The following ACER1 variants were observed in gnomAD, a reference collection of about 807,000 sequenced individuals.
ACER1 encodes alkaline ceramidase 1, also known as CTB-180A7.3.
ACER1 carries 28 observed loss-of-function variants against 24.9 expected under a neutral mutation model. The ratio of observed to expected loss-of-function variants is 1.13; its 90% CI spans 0.83 to 1.54. The LOEUF is 1.54. Ranked by LOEUF, ACER1 falls within the 40% of genes most tolerant of loss-of-function variation. The pLI is 0.00. For missense variants in ACER1, 352 were observed against 349.3 expected, an observed-to-expected ratio of 1.01 and a Z score of -0.06; for synonymous variants, 132 against 131.4, an observed-to-expected ratio of 1.00 and a Z score of -0.03.
At chr19:6,326,256 T>C (rs2091661506) in intron 1 of ACER1, among the ~76,000 whole-genome samples, 1 of 151,416 alleles carries the variant, frequency 6.6e-6, no homozygotes, top group Non-Finnish European at 1.5e-5. Context: ...GCCTCCCGAG[T>C]AGCTGGGACC....
chr19:6,329,360 G>GAATAGAATAGAATAGAATAT (rs1160508037), intron 1 of ACER1, among the ~76,000 whole-genome samples: 1 of 142,666 alleles, frequency 7.0e-6, no homozygotes, highest in Non-Finnish European at 1.5e-5. Context: ...TTTTGATATA[G>GAATAGAATAGAATAGAATAT]AATAGAATAG....
chr19:6,347,109 A>AAAAAAAAAAAAAAAAAT, the ACER1 span, among the ~76,000 whole-genome samples: 84 of 113,762 alleles, frequency 7.4e-4, no homozygotes, highest in African/African-American at 3.9e-3. Context: ...AAAAAAAAAA[A>AAAAAAAAAAAAAAAAAT]ATATATATAT....
chr19:6,325,637 A>G (rs532775731), intron 1 of ACER1, among the ~76,000 whole-genome samples: 1 of 152,308 alleles, frequency 6.6e-6, no homozygotes, highest in East Asian at 1.9e-4. Flanking sequence ...TGGGTGACAA[A>G]GCCAGACTCC....
chr19:6,355,883 T>G, the ACER1 span, among the ~76,000 whole-genome samples: 1 of 148,258 alleles, frequency 6.7e-6, no homozygotes, highest in Non-Finnish European at 1.5e-5. Context: ...GCCGCCTCGG[T>G]CCGGGAGGTG....
chr19:6,335,491 G>A (rs2091710224), upstream of ACER1, among the ~76,000 whole-genome samples: 2 of 151,966 alleles, frequency 1.3e-5, no homozygotes, highest in African/African-American at 4.8e-5. Flanking sequence ...CCAAAGTGCT[G>A]GGATTACAGG....
chr19:6,330,324 T>C (rs905053034), intron 1 of ACER1, among the ~76,000 whole-genome samples: 7 of 149,728 alleles, frequency 4.7e-5, no homozygotes, highest in Admixed American at 4.6e-4. Context: ...TGCGCCACCA[T>C]GCCCAGCTAA....
chr19:6,326,300 A>G (rs111316196), intron 1 of ACER1, among the ~76,000 whole-genome samples: 21,058 of 151,520 alleles, frequency 0.14, 2,759 homozygotes, highest in African/African-American at 0.35. Flanking sequence ...GCTAATTTTT[A>G]TATTTTTAGT....
chr19:6,323,336 T>C (rs532421912), intron 1 of ACER1, among the ~76,000 whole-genome samples: 51 of 147,900 alleles, frequency 3.4e-4, no homozygotes, highest in Non-Finnish European at 6.8e-4. Context: ...AGGAGAATGG[T>C]GTGAACCCTA....
At chr19:6,344,456 ATT>A in the ACER1 span, among the ~76,000 whole-genome samples, 31 of 151,782 alleles carry the variant, frequency 2.0e-4, no homozygotes, top group African/African-American at 7.5e-4. Flanking sequence ...AAATAAATAA[ATT>A]TATTTATTTA....
the ACER1 span, among the ~76,000 whole-genome samples, chr19:6,348,274 G>A: frequency 6.6e-6 from 1 of 151,710 alleles, no homozygotes; most frequent in African/African-American, 2.4e-5. Flanking sequence ...AGACCAGCCT[G>A]GCCAACATGG....
intron 1 of ACER1, among the ~76,000 whole-genome samples, chr19:6,319,099 T>G (rs77663526): frequency 0.065 from 9,960 of 152,072 alleles, 368 homozygotes; most frequent in East Asian, 0.12. Flanking sequence ...GCTGCTGCTG[T>G]TGTTATTGTT....
At chr19:6,341,326 A>G in the ACER1 span, among the ~76,000 whole-genome samples, 2 of 151,104 alleles carry the variant, frequency 1.3e-5, no homozygotes, top group Non-Finnish European at 3.0e-5. Context: ...AACAACAACA[A>G]AAAACCAGTC....
At chr19:6,316,571 A>G (rs1234347309) in intron 1 of ACER1, among the ~76,000 whole-genome samples, 1 of 152,044 alleles carries the variant, frequency 6.6e-6, no homozygotes, top group African/African-American at 2.4e-5. Flanking sequence ...CTGTAATCCC[A>G]GCACTTTGGG....
the ACER1 span, among the ~76,000 whole-genome samples, chr19:6,358,654 C>T: frequency 1.3e-5 from 2 of 148,760 alleles, no homozygotes; most frequent in African/African-American, 5.0e-5. Flanking sequence ...AGTCCAGTGG[C>T]CGGGCGCAGT....
At chr19:6,307,769 T>G (rs981863810) in intron 4 of ACER1, among the ~76,000 whole-genome samples, 1 of 151,838 alleles carries the variant, frequency 6.6e-6, no homozygotes. Flanking sequence ...CCGGCCTGGG[T>G]GACAGAGTAA....
chr19:6,311,859 A>T (rs1281423606), intron 3 of ACER1, among the ~76,000 whole-genome samples: 1 of 151,944 alleles, frequency 6.6e-6, no homozygotes, highest in Non-Finnish European at 1.5e-5. Flanking sequence ...AAGTGTAGAC[A>T]TGAGGTCCTG....
intron 1 of ACER1, among the ~76,000 whole-genome samples, chr19:6,317,712 T>A (rs2091610386): frequency 6.6e-6 from 1 of 152,088 alleles, no homozygotes; most frequent in Non-Finnish European, 1.5e-5. Context: ...TCTCTCCAAC[T>A]TTTTTTGTTG....
At chr19:6,323,170 C>T (rs530823989) in intron 1 of ACER1, among the ~76,000 whole-genome samples, 1 of 151,902 alleles carries the variant, frequency 6.6e-6, no homozygotes, top group East Asian at 1.9e-4. Context: ...CCTGTAATCC[C>T]AGCACTTTGG....
At chr19:6,333,663 C>A (rs991730993), upstream of ACER1, 42 of 905,478 alleles carry the variant, frequency 4.6e-5, 1 homozygote, top group Non-Finnish European at 6.5e-5. Context: ...CCGCGGCAGG[C>A]AGACTGGGAG....
Sources: gnomAD v4.1 joint callset for allele counts (sites outside exome capture counted in the v4.1 genomes callset) on GRCh38, gnomAD v4.1.1 for gene constraint, MANE v1.5 for transcripts, NCBI Gene and HGNC (gene_info 2026-07-23, HGNC 2026-07-21) for gene names.